Variants in ARF3 observed in about 807,000 individuals in gnomAD.
The protein encoded by ARF3 is ADP-ribosylation factor 3.
In ARF3, 5 loss-of-function variants were observed where a neutral mutation model predicts 19.3. That is an observed-to-expected ratio of 0.26 (90% confidence interval 0.14 to 0.54). The LOEUF is 0.54. Among genes scored for constraint, ARF3 ranks in the 20% least tolerant of loss-of-function variants. The pLI is 0.95. For missense variants in ARF3, 77 were observed against 234.2 expected (o/e 0.33, Z 4.38); for synonymous variants, 71 against 89.2 (o/e 0.80, Z 1.15).
intron 1 of ARF3, among the ~76,000 whole-genome samples, chr12:48,942,498 A>G (rs1940277567): frequency 1.3e-5 from 2 of 152,100 alleles, no homozygotes; most frequent in Admixed American, 1.3e-4. Context: ...CCTACCAAAG[A>G]GGCCTCCCAC....
intron 1 of ARF3, among the ~76,000 whole-genome samples, chr12:48,947,346 G>T (rs1047582767): frequency 2.2e-5 from 3 of 138,936 alleles, no homozygotes; most frequent in African/African-American, 8.1e-5. Flanking sequence ...TCGCTCTCTC[G>T]CCCAGGCTGG....
intron 1 of ARF3, among the ~76,000 whole-genome samples, chr12:48,954,268 T>G (rs1192588678): frequency 6.6e-6 from 1 of 152,228 alleles, no homozygotes; most frequent in Non-Finnish European, 1.5e-5. Flanking sequence ...ATGCTGAAGC[T>G]GAAAAAAGAT....
intron 1 of ARF3, among the ~76,000 whole-genome samples, chr12:48,946,063 G>A (rs1303660882): frequency 6.6e-6 from 1 of 152,188 alleles, no homozygotes; most frequent in Admixed American, 6.5e-5. Context: ...TTGGCCTCCT[G>A]AAGTGCTGGG....
intron 1 of ARF3, chr12:48,953,412 TA>T (rs1181773715): frequency 3.5e-4 from 53 of 152,076 alleles, no homozygotes; most frequent in African/African-American, 1.3e-3. Flanking sequence ...AAGGTTTGAC[TA>T]TTTTTTTTTT....
intron 1 of ARF3, among the ~76,000 whole-genome samples, chr12:48,945,447 G>A (rs939021587): frequency 1.3e-5 from 2 of 152,098 alleles, no homozygotes; most frequent in African/African-American, 4.8e-5. Flanking sequence ...GGGTGTGGTG[G>A]CTACTCGGGA....
In ARF3 at chr12:48,938,939, T is replaced by C. The variant is rs1264447200; in HGVS notation, c.*8A>G. On this transcript the variant is annotated 3_prime_UTR_variant, in exon 5 of 5. Coordinates refer to ENST00000256682, the MANE Select transcript of ARF3 (RefSeq NM_001659.3). ...TGGGTGGGGTGCTTTGTTAGGGCTG[T>C]CTGGCTTTCACTTCTTGTTTTTGAG... is the stretch of plus-strand genomic sequence containing the variant. The C allele has an allele frequency of 6.2e-7, 1 of 1,611,560 alleles. No homozygotes were observed. The highest frequency in any genetic ancestry group is 1.1e-5 in the South Asian group (1 of 90,926).
chr12:48,954,796 G>A (rs1340327336), intron 1 of ARF3, among the ~76,000 whole-genome samples: 1 of 152,042 alleles, frequency 6.6e-6, no homozygotes, highest in Non-Finnish European at 1.5e-5. Flanking sequence ...AAGGTGGGAG[G>A]ATATATTGGA....
chr12:48,948,323 C>T (rs914676893), intron 1 of ARF3, among the ~76,000 whole-genome samples: 3 of 150,750 alleles, frequency 2.0e-5, no homozygotes, highest in African/African-American at 7.3e-5. Context: ...AGGCTCACTG[C>T]AGCATCCAAA....
chr12:48,945,156 A>G (rs1447167633), intron 1 of ARF3, among the ~76,000 whole-genome samples: 1 of 147,630 alleles, frequency 6.8e-6, no homozygotes, highest in Non-Finnish European at 1.5e-5. Context: ...AAAAAAAAAA[A>G]AAAAAAGGCC....
chr12:48,940,715 C>T (rs534281810), intron 2 of ARF3, among the ~76,000 whole-genome samples: 1 of 152,318 alleles, frequency 6.6e-6, no homozygotes, highest in South Asian at 2.1e-4. Flanking sequence ...TGCCTGAGGG[C>T]AGCTGTTGAG....
Position 48,937,925 on chromosome 12 carries a change from A to G in ARF3, c.*1022T>C. On this transcript the variant is annotated 3_prime_UTR_variant, in exon 5 of 5. Coordinates refer to ENST00000256682, the MANE Select transcript of ARF3 (RefSeq NM_001659.3). The stretch of plus-strand genomic sequence containing the variant: ...CCATGCCTCACCTTCTCCTAATAAC[A>G]AAAGAGAATGAAGATGGAAAACCTC... 1 of 162,060 alleles carries G rather than the reference A, an allele frequency of 6.2e-6. No homozygotes were observed. The highest frequency in any genetic ancestry group is 1.4e-5 in the Non-Finnish European group (1 of 73,794). The allele number at this position is 162,060 out of a possible 1,614,324, so 10.0% of individuals were successfully genotyped here. A position where few individuals can be genotyped will look rare whatever the true frequency, so the allele number is the denominator to read the frequency against.
In ARF3 at chr12:48,939,171, C is replaced by T; in HGVS notation, c.385-63G>A. ...GATTTTTTAAAGGCTTCTAGAACAC[C>T]CATCTACCAAAGAAATGTGTACCAG... On this transcript the variant is annotated intron_variant, in intron 4 of 4. Transcript: ENST00000256682. The surrounding 1 kb of genome is among the most constrained non-coding windows in gnomAD (Gnocchi z 4.8). The T allele has an allele frequency of 6.5e-7, 1 of 1,541,440 alleles. No individual in the cohort carries two copies. Among genetic ancestry groups the T allele is most frequent in the Non-Finnish European group, 8.8e-7 (1 of 1,134,686 alleles).
chr12:48,939,465 T>G lies in ARF3; in HGVS notation c.384+190A>C, dbSNP rs833831. On this transcript the variant is annotated intron_variant, in intron 4 of 4. Transcript: ENST00000256682. This position sits in a 1 kb window ranked among gnomAD's most constrained non-coding sequence, Gnocchi z 4.8. ...AAGATTTGAGACAATTCCTGAGGAC[T>G]GAAATGTTGCTAAATAAAGCTTGGG... 0.089 allele frequency among the ~76,000 whole-genome samples: 13,476 copies of G among 152,218 alleles called. 778 individuals carry two copies. Among genetic ancestry groups the G allele is most frequent in the South Asian group, 0.13 (639 of 4,824 alleles).
In ARF3 at chr12:48,939,175, C is replaced by T; in HGVS notation, c.385-67G>A. 1 of 1,534,304 alleles carries T rather than the reference C, an allele frequency of 6.5e-7. No individual in the cohort carries two copies. The highest frequency in any genetic ancestry group is 8.9e-7 in the Non-Finnish European group (1 of 1,129,708). On this transcript the variant is annotated intron_variant, in intron 4 of 4. Transcript: ENST00000256682. This position sits in a 1 kb window ranked among gnomAD's most constrained non-coding sequence, Gnocchi z 4.8. Reference sequence around the variant, plus strand: ...TTTTAAAGGCTTCTAGAACACCCATCTACCAAAGAAATGTGTACCAGCACC... The same window carrying T: ...TTTTAAAGGCTTCTAGAACACCCATTTACCAAAGAAATGTGTACCAGCACC...
chr12:48,940,246 C>T, intron 2 of ARF3, 139 bp from the exon 3 acceptor site: 1 of 712,474 alleles, frequency 1.4e-6, no homozygotes, highest in East Asian at 2.6e-5. Flanking sequence ...CTTCCTCAGA[C>T]CTGATAATCG....
intron 1 of ARF3, among the ~76,000 whole-genome samples, chr12:48,949,770 C>G (rs549743052): frequency 1.3e-5 from 2 of 152,080 alleles, no homozygotes; most frequent in African/African-American, 4.8e-5. Context: ...GTCTCGAACT[C>G]CTGACCTCAA....
intron 1 of ARF3, among the ~76,000 whole-genome samples, chr12:48,944,135 T>C (rs1004395596): frequency 3.9e-5 from 6 of 152,254 alleles, no homozygotes; most frequent in African/African-American, 9.6e-5. Flanking sequence ...AGATGACACT[T>C]TGCTTTAAAG....
chr12:48,942,333 A>G (rs554418973), intron 1 of ARF3, among the ~76,000 whole-genome samples: 1 of 150,416 alleles, frequency 6.6e-6, no homozygotes, highest in Non-Finnish European at 1.5e-5. Context: ...CTCCTGCCTT[A>G]GCCTCCCAGG....
At position 48,937,210 on chromosome 12, in the gene ARF3, A is replaced by C. The variant is rs149163510; in HGVS notation, c.*1737T>G. On this transcript the variant is annotated 3_prime_UTR_variant, in exon 5 of 5. Coordinates refer to ENST00000256682, the MANE Select transcript of ARF3 (RefSeq NM_001659.3). ...AATATTGATCCATCTGCTATCAACA[A>C]AAGTGGCCAGGAAACCTGGCCCCAT... 13 of 152,258 alleles carry C rather than the reference A, an allele frequency of 8.5e-5. No homozygotes were observed. Among genetic ancestry groups the C allele is most frequent in the African/African-American group, 3.1e-4 (13 of 41,454 alleles). The allele number at this position is 152,258 out of a possible 1,614,324, so 9.4% of individuals were successfully genotyped here.
Sources: gnomAD v4.1 joint callset for allele counts (sites outside exome capture counted in the v4.1 genomes callset) on GRCh38, gnomAD v4.1.1 for gene constraint, Gnocchi (gnomAD v3.1) non-coding constraint, MANE v1.5 for transcripts, NCBI Gene and HGNC (gene_info 2026-07-23, HGNC 2026-07-21) for gene names.